The following ABAT variants were observed in gnomAD, a reference collection of about 807,000 sequenced individuals.
The protein encoded by ABAT is 4-aminobutyrate aminotransferase, mitochondrial.
ABAT carries 45 observed loss-of-function variants against 64.6 expected under a neutral mutation model. That is an observed-to-expected ratio of 0.70 (90% CI 0.55 to 0.89). The LOEUF is 0.89. Ranked by LOEUF, ABAT falls within the 40% of genes least tolerant of loss-of-function variation. The pLI is 0.00. For synonymous variants in ABAT, 297 were observed against 250.5 expected (o/e 1.19, Z -1.75); for missense variants, 633 against 658.4 (o/e 0.96, Z 0.42).
chr16:8,700,547 A>T (rs2057799031), intron 1 of ABAT, among the ~76,000 whole-genome samples: 1 of 152,178 alleles, frequency 6.6e-6, no homozygotes, highest in Non-Finnish European at 1.5e-5. Flanking sequence ...CATACCGTAG[A>T]TACTCCTTGA....
intron 1 of ABAT, among the ~76,000 whole-genome samples, chr16:8,699,158 C>A (rs1432517093): frequency 6.6e-6 from 1 of 152,020 alleles, no homozygotes; most frequent in Non-Finnish European, 1.5e-5. Context: ...ACAGAACCGC[C>A]CCAGATCAAA....
intron 12 of ABAT, among the ~76,000 whole-genome samples, chr16:8,773,352 A>C (rs1412844038): frequency 6.6e-6 from 1 of 152,106 alleles, no homozygotes; most frequent in African/African-American, 2.4e-5. Context: ...AGATTTCGCC[A>C]TGTTGGCCAG....
chr16:8,768,051 T>C, intron 9 of ABAT, 142 bp from the exon 10 acceptor site: 1 of 848,672 alleles, frequency 1.2e-6, no homozygotes. Context: ...ATAGACCCCA[T>C]TGGTCCCATG....
chr16:8,747,355 C>A (rs1460607967), intron 3 of ABAT, among the ~76,000 whole-genome samples: 3 of 152,076 alleles, frequency 2.0e-5, no homozygotes, highest in African/African-American at 7.2e-5. Flanking sequence ...GTCATTGCAA[C>A]TATTTTATAA....
chr16:8,769,790 T>A (rs77250024), intron 11 of ABAT, among the ~76,000 whole-genome samples: 5,569 of 152,074 alleles, frequency 0.037, 159 homozygotes, highest in Middle Eastern at 0.13. Context: ...ATCCACTCAG[T>A]ATATGGGGGT....
At chr16:8,745,707 T>A (rs1442190250) in intron 2 of ABAT, among the ~76,000 whole-genome samples, 1 of 151,556 alleles carries the variant, frequency 6.6e-6, no homozygotes, top group Non-Finnish European at 1.5e-5. Context: ...CAAAAAAAAA[T>A]GAATAAATAA....
intron 5 of ABAT, among the ~76,000 whole-genome samples, chr16:8,754,279 A>G (rs544762563): frequency 6.7e-6 from 1 of 149,846 alleles, no homozygotes; most frequent in Non-Finnish European, 1.5e-5. Context: ...TGCTTAAGCT[A>G]GGGAGGTTGA....
intron 2 of ABAT, among the ~76,000 whole-genome samples, chr16:8,743,643 TATATA>T (rs558174605): frequency 3.9e-3 from 190 of 48,216 alleles, no homozygotes; most frequent in African/African-American, 0.012. Flanking sequence ...TTAGTTATAA[TATATA>T]ATATATATTT....
intron 1 of ABAT, chr16:8,722,788 C>T (rs753054749): frequency 5.4e-6 from 7 of 1,288,136 alleles, no homozygotes; most frequent in Non-Finnish European, 6.1e-6. Context: ...CAGGGTCTAG[C>T]GGATTGCAAA....
intron 5 of ABAT, among the ~76,000 whole-genome samples, chr16:8,752,622 C>T (rs2059522152): frequency 6.6e-6 from 1 of 152,122 alleles, no homozygotes; most frequent in Non-Finnish European, 1.5e-5. Flanking sequence ...TAAAAATTAG[C>T]TAGTCATGCT....
At chr16:8,711,392 A>C (rs1206190191) in intron 1 of ABAT, among the ~76,000 whole-genome samples, 1 of 152,188 alleles carries the variant, frequency 6.6e-6, no homozygotes, top group East Asian at 1.9e-4. Context: ...GCCCAGAGCT[A>C]CCGTGGAAGT....
intron 2 of ABAT, chr16:8,736,535 A>G (rs2058943098): frequency 6.7e-6 from 1 of 149,256 alleles, no homozygotes; most frequent in African/African-American, 2.5e-5. Flanking sequence ...GAAAGCCATA[A>G]GCGACTCTGA....
At chr16:8,757,140 G>A (rs754633059) in intron 5 of ABAT, 44 of 454,750 alleles carry the variant, frequency 9.7e-5, no homozygotes, top group Non-Finnish European at 1.9e-4. Context: ...CCAGCCCCAG[G>A]CTTGAAATTT....
chr16:8,766,500 CA>C (rs2059950330), intron 9 of ABAT, among the ~76,000 whole-genome samples: 1 of 151,814 alleles, frequency 6.6e-6, no homozygotes, highest in African/African-American at 2.4e-5. Context: ...ACTAAAAAGA[CA>C]AAAATTACCC....
At chr16:8,768,066 A>G in intron 9 of ABAT, 127 bp from the exon 10 acceptor site, 1 of 972,330 alleles carries the variant, frequency 1.0e-6, no homozygotes, top group Non-Finnish European at 1.6e-6. Flanking sequence ...CCCATGGGTA[A>G]CTTTTGCCTG....
In ABAT at chr16:8,757,821, T is replaced by A; in HGVS notation, c.366+15T>A. On this transcript the variant is annotated intron_variant, in intron 6 of 15. Transcript: ENST00000268251. ...CTCAAAATGCGGTAGGTCTTGGGGT[T>A]ACACAGAAGAAAGACAAAATATGTT... The A allele has an allele frequency of 6.2e-7, 1 of 1,613,654 alleles. No individual in the cohort carries two copies. Among genetic ancestry groups the A allele is most frequent in the South Asian group, 1.1e-5 (1 of 91,084 alleles).
chr16:8,733,280 C>T (rs146925701), intron 1 of ABAT, among the ~76,000 whole-genome samples: 10,705 of 150,432 alleles, frequency 0.071, 589 homozygotes, highest in African/African-American at 0.1. Context: ...TGATGGCGGC[C>T]GGGAAGAGGT....
intron 1 of ABAT, among the ~76,000 whole-genome samples, chr16:8,675,696 T>C (rs1294613465): frequency 6.6e-6 from 1 of 151,058 alleles, no homozygotes; most frequent in Non-Finnish European, 1.5e-5. Context: ...CTTCCAGGAG[T>C]CTTCAAACTC....
intron 1 of ABAT, among the ~76,000 whole-genome samples, chr16:8,727,710 T>A (rs993261511): frequency 6.6e-6 from 1 of 152,174 alleles, no homozygotes. Context: ...CGCTCATAGT[T>A]CTCTGCCACT....
Sources: gnomAD v4.1 joint callset for allele counts (sites outside exome capture counted in the v4.1 genomes callset) on GRCh38, gnomAD v4.1.1 for gene constraint, MANE v1.5 for transcripts, NCBI Gene and HGNC (gene_info 2026-07-23, HGNC 2026-07-21) for gene names.